Variants in RNF38 observed in about 807,000 individuals in gnomAD.
The protein encoded by RNF38 is ring finger protein 38.
In RNF38, 15 loss-of-function variants were observed where a neutral mutation model predicts 67.2. The observed-to-expected ratio is 0.22, with a 90% CI of 0.15 to 0.34. The LOEUF is 0.34. Ranked by LOEUF, RNF38 falls within the 10% of genes least tolerant of loss-of-function variation. The probability of loss-of-function intolerance (pLI) is 1.00; values close to 1 mark genes in which losing one functional copy is unlikely to be tolerated. For missense variants in RNF38, 524 were observed against 639.9 expected (o/e 0.82, Z 1.95); for synonymous variants, 220 against 218.8 (o/e 1.01, Z -0.05).
chr9:36,367,123 TC>T (rs1476713567), intron 4 of RNF38, among the ~76,000 whole-genome samples: 3 of 152,128 alleles, frequency 2.0e-5, no homozygotes, highest in Non-Finnish European at 2.9e-5. Flanking sequence ...CCTTAAATAG[TC>T]CTTGATTTTT....
chr9:36,366,963 C>T (rs372413867), intron 4 of RNF38, among the ~76,000 whole-genome samples: 13 of 152,192 alleles, frequency 8.5e-5, no homozygotes, highest in East Asian at 3.8e-4. Context: ...TGAATTTTCA[C>T]TAACTTCACA....
At chr9:36,449,719 G>GCCA in intron 1 of RNF38, among the ~76,000 whole-genome samples, 1 of 152,252 alleles carries the variant, frequency 6.6e-6, no homozygotes, top group Admixed American at 6.5e-5. Flanking sequence ...ACAGGCATGA[G>GCCA]CCACCGCTCC....
chr9:36,342,500 A>G (rs1456481138), intron 10 of RNF38, 76 bp from the exon 11 acceptor site: 2 of 895,904 alleles, frequency 2.2e-6, no homozygotes, highest in Non-Finnish European at 3.7e-6. Context: ...AACCTACAAG[A>G]TAATTTATTC....
chr9:36,371,092 T>G (rs534167131), intron 3 of RNF38, among the ~76,000 whole-genome samples: 5 of 152,296 alleles, frequency 3.3e-5, no homozygotes, highest in African/African-American at 1.2e-4. Context: ...TCTGCCTCAT[T>G]AAAACTGTAC....
chr9:36,377,382 AG>A (rs1835867957), intron 2 of RNF38, among the ~76,000 whole-genome samples: 1 of 152,236 alleles, frequency 6.6e-6, no homozygotes, highest in Non-Finnish European at 1.5e-5. Context: ...ATTTTAAATA[AG>A]CATATAAATC....
intron 1 of RNF38, among the ~76,000 whole-genome samples, chr9:36,472,539 A>G (rs1252779366): frequency 6.6e-6 from 1 of 152,208 alleles, no homozygotes; most frequent in East Asian, 1.9e-4. Flanking sequence ...ACTCAAAGAA[A>G]AAACAGGCCT....
intron 2 of RNF38, among the ~76,000 whole-genome samples, chr9:36,413,695 TTTTG>T (rs58149705): frequency 1.3e-5 from 2 of 151,054 alleles, no homozygotes; most frequent in African/African-American, 4.9e-5. Flanking sequence ...CTATTCCTAG[TTTTG>T]TTTGTTTGTT....
At chr9:36,414,840 G>C (rs12344892) in intron 2 of RNF38, among the ~76,000 whole-genome samples, 17,872 of 152,028 alleles carry the variant, frequency 0.12, 1,327 homozygotes, top group East Asian at 0.31. Flanking sequence ...TACAAAATTC[G>C]TGGCTGGTAA....
At chr9:36,390,052 C>A (rs970708743) in intron 2 of RNF38, among the ~76,000 whole-genome samples, 1 of 152,038 alleles carries the variant, frequency 6.6e-6, no homozygotes, top group African/African-American at 2.4e-5. Context: ...GACAAGTAAC[C>A]ATGTTTTCTC....
chr9:36,400,632 C>G (rs1254107353), upstream of RNF38: 1 of 985,772 alleles, frequency 1.0e-6, no homozygotes, highest in African/African-American at 1.7e-5. Context: ...TGACTGCTCG[C>G]CCAGCCCGCG....
chr9:36,460,901 A>AAG (rs1415108359), intron 1 of RNF38, among the ~76,000 whole-genome samples: 24 of 148,958 alleles, frequency 1.6e-4, no homozygotes, highest in African/African-American at 5.5e-4. Context: ...AAAAAAAAAA[A>AAG]AAAAAGAAAG....
At chr9:36,430,356 G>A (rs1190638129) in intron 1 of RNF38, among the ~76,000 whole-genome samples, 1 of 152,064 alleles carries the variant, frequency 6.6e-6, no homozygotes, top group African/African-American at 2.4e-5. Flanking sequence ...ACAGGCATGC[G>A]CCACCACGCC....
At position 36,390,611 on chromosome 9, in the gene RNF38, A is replaced by C. The variant is rs1208449180; in HGVS notation, c.18T>G (p.Ser6=). Residue 6 remains serine (S), a synonymous_variant, in exon 2 of 12, where the codon TCT becomes TCG. Transcript: ENST00000259605. The part of the protein sequence containing the change: MACKI[S]PGANSASLPG... The stretch of plus-strand genomic sequence containing the variant: ...GTAGAGATGCTGAATTGGCCCCGGG[A>C]GATATCTGGGAAAAAGAGGAAGAAA... The C allele has an allele frequency of 6.2e-7, 1 of 1,614,002 alleles. No homozygotes were observed. Among genetic ancestry groups the C allele is most frequent in the Non-Finnish European group, 8.5e-7 (1 of 1,179,908 alleles).
chr9:36,360,831 G>C (rs531095460), intron 4 of RNF38, among the ~76,000 whole-genome samples: 2 of 152,104 alleles, frequency 1.3e-5, no homozygotes, highest in African/African-American at 4.8e-5. Context: ...TTTTTTTTGA[G>C]ACAGAGTCTT....
chr9:36,482,524 T>C (rs2134457109), intron 1 of RNF38, among the ~76,000 whole-genome samples: 1 of 151,488 alleles, frequency 6.6e-6, no homozygotes. Context: ...AGCTAATTTT[T>C]CTATTGTTAG....
At chr9:36,344,683 TTA>T in intron 10 of RNF38, 147 bp downstream of exon 10, 1 of 676,344 alleles carries the variant, frequency 1.5e-6, no homozygotes, top group Non-Finnish European at 2.5e-6. Context: ...TAAAGATAAC[TTA>T]TCTTTATCAA....
chr9:36,386,672 A>C (rs1836663753), intron 2 of RNF38, among the ~76,000 whole-genome samples: 1 of 152,214 alleles, frequency 6.6e-6, no homozygotes, highest in Non-Finnish European at 1.5e-5. Context: ...GTTGCAGTAA[A>C]GAAGCCGGCT....
intron 4 of RNF38, 130 bp downstream of exon 4, chr9:36,369,589 A>G: frequency 1.4e-6 from 1 of 695,560 alleles, no homozygotes; most frequent in Non-Finnish European, 2.4e-6. Context: ...CTTAAAAGGA[A>G]TGAGGAACTT....
intron 1 of RNF38, among the ~76,000 whole-genome samples, chr9:36,456,152 C>T (rs1839591439): frequency 6.6e-6 from 1 of 152,120 alleles, no homozygotes; most frequent in Admixed American, 6.5e-5. Flanking sequence ...CCTCCACCTC[C>T]TGCCTCAGCA....
Sources: gnomAD v4.1 joint callset for allele counts (sites outside exome capture counted in the v4.1 genomes callset) on GRCh38, gnomAD v4.1.1 for gene constraint, MANE v1.5 for transcripts, NCBI Gene and HGNC (gene_info 2026-07-23, HGNC 2026-07-21) for gene names.